The following GPC6 variants were observed in gnomAD, a reference collection of about 807,000 sequenced individuals.
GPC6 encodes glypican 6.
GPC6 carries 14 observed loss-of-function variants against 55.2 expected under a neutral mutation model. That is an observed-to-expected ratio of 0.25 (90% confidence interval 0.17 to 0.40). The LOEUF is 0.40. GPC6 is among the 10% of genes least tolerant of loss of function. The probability of loss-of-function intolerance (pLI) is 1.00; values close to 1 mark genes in which losing one functional copy is unlikely to be tolerated. For missense variants in GPC6, 641 were observed against 708.5 expected (o/e 0.90, Z 1.08); for synonymous variants, 278 against 259.6 (o/e 1.07, Z -0.68).
intron 2 of GPC6, among the ~76,000 whole-genome samples, chr13:93,596,645 T>C (rs1877750696): frequency 1.4e-5 from 2 of 147,846 alleles, no homozygotes; most frequent in South Asian, 2.1e-4. Context: ...AATGTATATG[T>C]GTGTATATGC....
chr13:93,425,191 C>T (rs1877078007), intron 1 of GPC6, among the ~76,000 whole-genome samples: 1 of 152,134 alleles, frequency 6.6e-6, no homozygotes, highest in Non-Finnish European at 1.5e-5. Flanking sequence ...TAAGTAGAGA[C>T]AGTATTTTTT....
intron 2 of GPC6, among the ~76,000 whole-genome samples, chr13:93,565,934 CAA>C (rs35217779): frequency 7.4e-6 from 1 of 134,828 alleles, no homozygotes. Flanking sequence ...AACAAACAAA[CAA>C]AAAAAAAAAA....
intron 4 of GPC6, among the ~76,000 whole-genome samples, chr13:94,066,958 T>C (rs765839067): frequency 6.6e-6 from 1 of 152,244 alleles, no homozygotes. Flanking sequence ...TAATATTTTC[T>C]ATGAATATGT....
At chr13:93,683,381 T>C (rs1430948663) in intron 2 of GPC6, among the ~76,000 whole-genome samples, 1 of 152,098 alleles carries the variant, frequency 6.6e-6, no homozygotes, top group African/African-American at 2.4e-5. Flanking sequence ...CAATTTATGA[T>C]ACTGAATTTA....
intron 3 of GPC6, among the ~76,000 whole-genome samples, chr13:93,997,728 A>T (rs1314585224): frequency 6.6e-6 from 1 of 152,204 alleles, no homozygotes; most frequent in Non-Finnish European, 1.5e-5. Flanking sequence ...GGTGATAATT[A>T]AAAGGAGTTG....
intron 3 of GPC6, among the ~76,000 whole-genome samples, chr13:93,901,844 T>G (rs1876371134): frequency 6.8e-6 from 1 of 146,678 alleles, no homozygotes; most frequent in Non-Finnish European, 1.5e-5. Context: ...GAGGTTGCAG[T>G]GAGCTGAGAT....
chr13:93,729,399 C>T (rs1242087589), intron 2 of GPC6, among the ~76,000 whole-genome samples: 1 of 152,086 alleles, frequency 6.6e-6, no homozygotes, highest in Non-Finnish European at 1.5e-5. Flanking sequence ...TATAATGTAC[C>T]ATGAGCTCAA....
intron 1 of GPC6, among the ~76,000 whole-genome samples, chr13:93,437,131 A>T (rs1055835616): frequency 6.6e-6 from 1 of 152,056 alleles, no homozygotes; most frequent in Non-Finnish European, 1.5e-5. Flanking sequence ...AAAAAAGCAA[A>T]CTTATTTGAA....
chr13:93,828,979 G>A (rs1202228663), intron 2 of GPC6, among the ~76,000 whole-genome samples: 1 of 152,064 alleles, frequency 6.6e-6, no homozygotes, highest in African/African-American at 2.4e-5. Context: ...TATCTTAGCA[G>A]AGAATACCCA....
At chr13:94,052,804 C>A (rs940204138) in intron 4 of GPC6, among the ~76,000 whole-genome samples, 1 of 152,110 alleles carries the variant, frequency 6.6e-6, no homozygotes, top group Admixed American at 6.6e-5. Flanking sequence ...TCAGGAGCCC[C>A]TTATTAAAGG....
intron 3 of GPC6, among the ~76,000 whole-genome samples, chr13:93,882,944 C>A (rs556492097): frequency 6.6e-6 from 1 of 152,198 alleles, no homozygotes; most frequent in Non-Finnish European, 1.5e-5. Flanking sequence ...TTCTAAGAAA[C>A]GTCCCTTGTA....
chr13:94,013,336 GT>G (rs1882326404), intron 3 of GPC6, among the ~76,000 whole-genome samples: 1 of 151,806 alleles, frequency 6.6e-6, no homozygotes, highest in Admixed American at 6.6e-5. Flanking sequence ...TTATTTATGT[GT>G]TTTTGTTTTT....
At position 94,117,213 on chromosome 13, in the gene GPC6, A is replaced by G. The variant is rs139746748; in HGVS notation, c.877+89319A>G. ...ATAATGCACAGGAAAATCACTCATTATGGACTCCACCTCACTGACTCTGCT... is the reference window on the plus strand; with the variant it reads ...ATAATGCACAGGAAAATCACTCATTGTGGACTCCACCTCACTGACTCTGCT... On this transcript the variant is annotated intron_variant, in intron 4 of 8. Coordinates refer to ENST00000377047, the MANE Select transcript of GPC6 (RefSeq NM_005708.5). Among the ~76,000 whole-genome samples the G allele has an allele frequency of 4.0e-3, 614 of 152,234 alleles. 15 individuals carry two copies. The East Asian group carries it at 0.06, about 15-fold the overall frequency.
At chr13:93,489,715 T>G in intron 1 of GPC6, among the ~76,000 whole-genome samples, 1 of 151,562 alleles carries the variant, frequency 6.6e-6, no homozygotes, top group East Asian at 2.2e-4. Context: ...TCCTAGGTAT[T>G]TTATTCTCTT....
rs374161638 is a variant in GPC6, at chr13:93,504,880, A to G, written c.161-40383A>G. Among the ~76,000 whole-genome samples the G allele has an allele frequency of 5.0e-4, 76 of 152,316 alleles. 1 individual carries two copies. Among genetic ancestry groups the G allele is most frequent in the African/African-American group, 1.7e-3 (71 of 41,580 alleles). ...AAGGTAAAGTTATTTGTTCCTGTTC[A>G]TATTACTAGTAAATATATAGCCAGG... On this transcript the variant is annotated intron_variant, in intron 1 of 8. Transcript: ENST00000377047.
At chr13:94,155,120 G>A (rs1309251933) in intron 4 of GPC6, among the ~76,000 whole-genome samples, 1 of 152,050 alleles carries the variant, frequency 6.6e-6, no homozygotes, top group Non-Finnish European at 1.5e-5. Context: ...CAGGTCAAAC[G>A]TCTCTCCTGA....
At chr13:94,188,193 A>T (rs532446890) in intron 4 of GPC6, among the ~76,000 whole-genome samples, 1 of 152,178 alleles carries the variant, frequency 6.6e-6, no homozygotes, top group South Asian at 2.1e-4. Flanking sequence ...TGTGTGCACT[A>T]AGGTGCAGCA....
chr13:93,679,187 GTATAT>G (rs1169815786), intron 2 of GPC6, among the ~76,000 whole-genome samples: 2 of 152,074 alleles, frequency 1.3e-5, no homozygotes, highest in Non-Finnish European at 2.9e-5. Flanking sequence ...TTAAAATGTT[GTATAT>G]TATGAGATTC....
chr13:94,359,116 T>G (rs554519844), intron 6 of GPC6, among the ~76,000 whole-genome samples: 76 of 152,270 alleles, frequency 5.0e-4, no homozygotes, highest in South Asian at 3.9e-3. Context: ...TCAGTTATCT[T>G]TGGAAAAAAC....
Sources: allele counts gnomAD v4.1 joint callset (sites outside exome capture counted in the v4.1 genomes callset), GRCh38; gene constraint gnomAD v4.1.1; transcripts MANE v1.5; gene names NCBI Gene and HGNC (gene_info 2026-07-23, HGNC 2026-07-21).